NDC80: variants seen among roughly 807,000 people sequenced by gnomAD.
NDC80 encodes the protein kinetochore protein NDC80 homolog.
NDC80 carries 69 observed loss-of-function variants against 89.3 expected under a neutral mutation model. That is an observed-to-expected ratio of 0.77 (90% confidence interval 0.64 to 0.94). NDC80 has a LOEUF of 0.94. Among genes scored for constraint, NDC80 ranks in the 40% least tolerant of loss-of-function variants. The pLI is 0.00. For missense variants in NDC80, 593 were observed against 739.6 expected, an observed-to-expected ratio of 0.80 and a Z score of 2.30; for synonymous variants, 243 against 255.6, an observed-to-expected ratio of 0.95 and a Z score of 0.47.
In NDC80 at chr18:2,601,485, A is replaced by G; in HGVS notation, c.1464A>G (p.Gln488=). Residue 488 remains glutamine (Q), a splice_region_variant and synonymous_variant, in exon 13 of 17, where the codon CAA becomes CAG. Coordinates refer to ENST00000261597, the MANE Select transcript of NDC80 (RefSeq NM_006101.3). ...KKMGLEDTLE[Q]LNAMITESKR... ...TGGGTTTGGAGGATACTTTAGAACA[A>G]GTAAGTAATAAAACATAAAAAGTCA... The G allele has an allele frequency of 7.7e-7, 1 of 1,301,584 alleles. No individual in the cohort carries two copies. Among genetic ancestry groups the G allele is most frequent in the South Asian group, 1.6e-5 (1 of 61,726 alleles). The allele number at this position is 1,301,584 out of a possible 1,614,324, so 80.6% of individuals were successfully genotyped here. A position where few individuals can be genotyped will look rare whatever the true frequency, so the allele number is the denominator to read the frequency against.
intron 16 of NDC80, among the ~76,000 whole-genome samples, chr18:2,611,688 C>T (rs763478256): frequency 4.6e-5 from 7 of 152,016 alleles, no homozygotes; most frequent in African/African-American, 1.4e-4. Context: ...GCCCCAGAAG[C>T]TAAGATAAAT....
chr18:2,580,110 T>C (rs1255217085), intron 6 of NDC80, among the ~76,000 whole-genome samples: 1 of 152,142 alleles, frequency 6.6e-6, no homozygotes, highest in South Asian at 2.1e-4. Context: ...AACTTACTGA[T>C]GGTTTTAATA....
At chr18:2,576,341 A>G (rs1396922976) in intron 3 of NDC80, among the ~76,000 whole-genome samples, 1 of 152,240 alleles carries the variant, frequency 6.6e-6, no homozygotes, top group Non-Finnish European at 1.5e-5. Flanking sequence ...ATTTTCAAAA[A>G]TAAAACAATT....
intron 16 of NDC80, among the ~76,000 whole-genome samples, chr18:2,614,800 G>A (rs2072776021): frequency 6.6e-6 from 1 of 152,084 alleles, no homozygotes; most frequent in Non-Finnish European, 1.5e-5. Context: ...CAGAAGGTGA[G>A]CTTATTTGGA....
At chr18:2,580,340 T>C (rs1051817820) in intron 6 of NDC80, among the ~76,000 whole-genome samples, 2 of 152,074 alleles carry the variant, frequency 1.3e-5, no homozygotes, top group Non-Finnish European at 2.9e-5. Context: ...CTCTCTCTTT[T>C]TTTTTTTAAT....
intron 6 of NDC80, 87 bp from the exon 7 acceptor site, chr18:2,585,026 A>G: frequency 2.2e-6 from 2 of 911,498 alleles, no homozygotes; most frequent in East Asian, 2.5e-5. Flanking sequence ...AAATGCTTCT[A>G]AAATTGACAC....
At chr18:2,581,120 T>C (rs996989613) in intron 6 of NDC80, among the ~76,000 whole-genome samples, 3 of 152,166 alleles carry the variant, frequency 2.0e-5, no homozygotes, top group Admixed American at 2.0e-4. Context: ...CGTGAGAGAC[T>C]GCAGGTTTCT....
chr18:2,605,258 CGGG>C (rs2072704120), intron 13 of NDC80, among the ~76,000 whole-genome samples: 1 of 5,120 alleles, frequency 2.0e-4, no homozygotes, highest in Non-Finnish European at 2.8e-4. Flanking sequence ...CAATTGGAGT[CGGG>C]CGGGCTATAT....
chr18:2,577,064 G>A (rs2072550258), intron 3 of NDC80, among the ~76,000 whole-genome samples: 1 of 152,142 alleles, frequency 6.6e-6, no homozygotes, highest in Admixed American at 6.5e-5. Flanking sequence ...ATTCATCTCA[G>A]AGCTAAACTT....
At chr18:2,597,573 A>C (rs1044174943) in intron 11 of NDC80, among the ~76,000 whole-genome samples, 2 of 152,118 alleles carry the variant, frequency 1.3e-5, no homozygotes, top group Non-Finnish European at 2.9e-5. Context: ...TTTACTAAAA[A>C]TACAAAAAGA....
At chr18:2,594,047 C>T (rs1330873279) in intron 10 of NDC80, among the ~76,000 whole-genome samples, 1 of 152,098 alleles carries the variant, frequency 6.6e-6, no homozygotes, top group Non-Finnish European at 1.5e-5. Context: ...GGATTACAGG[C>T]ATGCGCCACC....
At chr18:2,605,294 GT>G (rs1568010253) in intron 13 of NDC80, among the ~76,000 whole-genome samples, 1 of 143,212 alleles carries the variant, frequency 7.0e-6, no homozygotes, top group African/African-American at 2.9e-5. Context: ...GTGTGTGTGT[GT>G]GTGTGTGTGT....
chr18:2,584,796 C>T (rs1365772353), intron 6 of NDC80, among the ~76,000 whole-genome samples: 2 of 152,058 alleles, frequency 1.3e-5, no homozygotes, highest in African/African-American at 4.8e-5. Flanking sequence ...TTTGCACTTA[C>T]TGGGTTAATA....
chr18:2,580,692 A>G (rs1052552197), intron 6 of NDC80, among the ~76,000 whole-genome samples: 9 of 140,682 alleles, frequency 6.4e-5, no homozygotes, highest in African/African-American at 2.3e-4. Context: ...GGTGATGCCC[A>G]TGGACATTTG....
rs71365186 is a variant in NDC80, at chr18:2,580,731, A to ATTTTTTTTTTTTT, written c.579+1719_579+1731dup. 8.9e-3 allele frequency among the ~76,000 whole-genome samples: 493 copies of ATTTTTTTTTTTTT among 55,446 alleles called. 133 individuals carry two copies. The highest frequency in any genetic ancestry group is 0.049 in the East Asian group (53 of 1,090). The allele number at this position is 55,446 out of a possible 152,430, so 36.4% of individuals were successfully genotyped here. A position where few individuals can be genotyped will look rare whatever the true frequency, so the allele number is the denominator to read the frequency against. Reference sequence around the variant, plus strand: ...ACTACTTTTTTGGTCTCACCATCAGATTTTTTTTTTTTTTTTTTTTTTTTT... The same window carrying ATTTTTTTTTTTTT: ...ACTACTTTTTTGGTCTCACCATCAGATTTTTTTTTTTTTTTTTTTTTTTTTTTTTTTTTTTTTT... On this transcript the variant is annotated intron_variant, in intron 6 of 16. Coordinates refer to ENST00000261597, the MANE Select transcript of NDC80 (RefSeq NM_006101.3).
intron 15 of NDC80, among the ~76,000 whole-genome samples, chr18:2,609,255 A>T (rs1303521100): frequency 6.6e-6 from 1 of 152,206 alleles, no homozygotes; most frequent in Non-Finnish European, 1.5e-5. Context: ...TATAAATTAT[A>T]GTCAGTCTAC....
At position 2,589,231 on chromosome 18, in the gene NDC80, A is replaced by G. The variant is rs142132120; in HGVS notation, c.791A>G (p.Lys264Arg). 6.2e-7 allele frequency: 1 copy of G among 1,613,416 alleles called. No individual in the cohort carries two copies. The highest frequency in any genetic ancestry group is 8.5e-7 in the Non-Finnish European group (1 of 1,179,498). The change falls in exon 9 of 17, where the codon AAG becomes AGG. Residue 264 changes from lysine (K) to arginine (R), a missense_variant. Physicochemically the swap from Lys to Arg is conservative, Grantham distance 26. Coordinates refer to ENST00000261597, the MANE Select transcript of NDC80 (RefSeq NM_006101.3). ...GATTTATTTAATGTGGATGCTTTTA[A>G]GCTGGAATCATTAGAAGCAAAAAAC... ...LKDLFNVDAF[K>R]LESLEAKNRA...
intron 1 of NDC80, 72 bp downstream of exon 1, chr18:2,571,755 G>A (rs1252301731): frequency 6.6e-6 from 1 of 152,274 alleles, no homozygotes; most frequent in African/African-American, 2.4e-5. Flanking sequence ...TGGCGCCAAT[G>A]ACTTAAATTT....
At chr18:2,604,240 C>T (rs938238455) in intron 13 of NDC80, among the ~76,000 whole-genome samples, 2 of 152,200 alleles carry the variant, frequency 1.3e-5, no homozygotes, top group African/African-American at 4.8e-5. Context: ...TCTCATAATA[C>T]ACTTAAGTAC....
Sources: gnomAD v4.1 joint callset for allele counts (sites outside exome capture counted in the v4.1 genomes callset) on GRCh38, gnomAD v4.1.1 for gene constraint, MANE v1.5 for transcripts, NCBI Gene and HGNC (gene_info 2026-07-23, HGNC 2026-07-21) for gene names.